NLGN1: variants seen among roughly 807,000 people sequenced by gnomAD.
NLGN1 encodes the protein neuroligin 1.
In NLGN1, 12 loss-of-function variants were observed where a neutral mutation model predicts 65.5. That is an observed-to-expected ratio of 0.18 (90% CI 0.12 to 0.30). The LOEUF is 0.30. Ranked by LOEUF, NLGN1 falls within the 10% of genes least tolerant of loss-of-function variation. NLGN1 has a pLI of 1.00. For synonymous variants in NLGN1, 350 were observed against 359.5 expected, an observed-to-expected ratio of 0.97 and a Z score of 0.30; for missense variants, 750 against 1,007.1, an observed-to-expected ratio of 0.74 and a Z score of 3.46.
chr3:173,442,911 C>G (rs490601), intron 2 of NLGN1, among the ~76,000 whole-genome samples: 120,667 of 151,982 alleles, frequency 0.79, 48,913 homozygotes, highest in East Asian at 0.97. Flanking sequence ...TTTTAAGTAA[C>G]CCAGCAGCCT....
chr3:174,280,818 A>C lies in NLGN1; in HGVS notation c.1987A>C (p.Ser663Arg). Residue 663 changes from serine (S) to arginine (R), a missense_variant, in exon 7 of 7, where the codon AGT becomes CGT. Physicochemically the swap from Ser to Arg is moderately radical, Grantham distance 110. Transcript: ENST00000457714. The surrounding 1 kb of genome is among the most constrained non-coding windows in gnomAD (Gnocchi z 4.9). ...GCAGGATGATCCCAAACAACAACCA[A>C]GTCCATTTTCAGTGGATCAAAGGGA... 1 of 1,613,390 alleles carries C rather than the reference A, an allele frequency of 6.2e-7. No individual in the cohort carries two copies. Among genetic ancestry groups the C allele is most frequent in the Non-Finnish European group, 8.5e-7 (1 of 1,179,572 alleles).
At chr3:174,094,165 GTTTA>G (rs1745027502) in intron 4 of NLGN1, among the ~76,000 whole-genome samples, 1 of 152,086 alleles carries the variant, frequency 6.6e-6, no homozygotes, top group East Asian at 1.9e-4. Flanking sequence ...TTCTTAAACT[GTTTA>G]TTTACTTTAT....
At chr3:173,979,503 A>G (rs1200416206) in intron 4 of NLGN1, among the ~76,000 whole-genome samples, 2 of 152,164 alleles carry the variant, frequency 1.3e-5, no homozygotes, top group African/African-American at 4.8e-5. Flanking sequence ...GATTGAAGAG[A>G]AAAGGTGTGA....
intron 5 of NLGN1, among the ~76,000 whole-genome samples, chr3:174,276,753 A>C (rs551191184): frequency 6.6e-6 from 1 of 152,086 alleles, no homozygotes; most frequent in East Asian, 1.9e-4. Flanking sequence ...CAAGGTGACA[A>C]AATAACACAG....
intron 4 of NLGN1, among the ~76,000 whole-genome samples, chr3:173,978,214 A>G (rs1418336448): frequency 6.6e-5 from 10 of 152,128 alleles, no homozygotes; most frequent in Non-Finnish European, 1.5e-4. Context: ...CAGTGCCACT[A>G]AGGACCAAAT....
chr3:173,483,454 A>G (rs551518960), intron 2 of NLGN1, among the ~76,000 whole-genome samples: 2 of 152,204 alleles, frequency 1.3e-5, no homozygotes, highest in Admixed American at 1.3e-4. Flanking sequence ...AATATAATTA[A>G]TGTTATTCTA....
intron 4 of NLGN1, among the ~76,000 whole-genome samples, chr3:173,947,142 A>G (rs1747331644): frequency 6.7e-6 from 1 of 150,086 alleles, no homozygotes; most frequent in Non-Finnish European, 1.5e-5. Flanking sequence ...GCTCACCGCA[A>G]CCTCTGCCTC....
intron 4 of NLGN1, among the ~76,000 whole-genome samples, chr3:174,113,910 C>T (rs189566186): frequency 3.3e-5 from 5 of 152,108 alleles, no homozygotes; most frequent in Admixed American, 2.0e-4. Context: ...ATAGTTACGA[C>T]GGAAATCTTT....
chr3:173,674,980 AT>A (rs1250112022), intron 3 of NLGN1, among the ~76,000 whole-genome samples: 3 of 151,442 alleles, frequency 2.0e-5, no homozygotes, highest in East Asian at 1.9e-4. Context: ...GACTAACTAA[AT>A]TTTTTTTTAC....
intron 3 of NLGN1, among the ~76,000 whole-genome samples, chr3:173,691,221 A>T (rs1396519857): frequency 6.6e-6 from 1 of 151,660 alleles, no homozygotes; most frequent in African/African-American, 2.4e-5. Flanking sequence ...TTTTCTCCAA[A>T]CCCCTCTTTA....
chr3:173,949,562 T>C (rs1345072774), intron 4 of NLGN1, among the ~76,000 whole-genome samples: 3 of 152,204 alleles, frequency 2.0e-5, no homozygotes, highest in African/African-American at 7.2e-5. Context: ...TTGTCTTTAC[T>C]ACTTTCAGAC....
chr3:173,936,456 T>C (rs1446788298), intron 4 of NLGN1, among the ~76,000 whole-genome samples: 1 of 152,076 alleles, frequency 6.6e-6, no homozygotes, highest in Non-Finnish European at 1.5e-5. Flanking sequence ...ATAAGGGTAA[T>C]TTACATCTAA....
In NLGN1 at chr3:174,006,999, G is replaced by C. The variant is rs139563943; in HGVS notation, c.646+199167G>C. 8.1e-3 allele frequency among the ~76,000 whole-genome samples: 1,230 copies of C among 152,220 alleles called. 16 individuals carry two copies. The highest frequency in any genetic ancestry group is 0.028 in the African/African-American group (1,160 of 41,552). On this transcript the variant is annotated intron_variant, in intron 4 of 6. Transcript: ENST00000457714. ...AGGAGAATTACTTGAACCCAAGTGG[G>C]AGAGATTGCAGTGAGCTGAGATTGC...
chr3:173,419,849 T>G (rs998024732), intron 1 of NLGN1, among the ~76,000 whole-genome samples: 1 of 151,962 alleles, frequency 6.6e-6, no homozygotes. Context: ...AGTGTGTGCC[T>G]GTAGTCCCAG....
At chr3:174,009,819 A>G (rs1387519551) in intron 4 of NLGN1, among the ~76,000 whole-genome samples, 2 of 152,158 alleles carry the variant, frequency 1.3e-5, no homozygotes, top group African/African-American at 2.4e-5. Context: ...GCCTTCCTTG[A>G]GAGGACAATG....
intron 4 of NLGN1, among the ~76,000 whole-genome samples, chr3:174,120,234 TC>T (rs1717459714): frequency 6.6e-6 from 1 of 152,068 alleles, no homozygotes; most frequent in African/African-American, 2.4e-5. Context: ...ACGCCTGTAA[TC>T]CCAGCACTTT....
At chr3:173,716,763 A>T (rs937861134) in intron 3 of NLGN1, among the ~76,000 whole-genome samples, 3 of 144,146 alleles carry the variant, frequency 2.1e-5, no homozygotes, top group Non-Finnish European at 4.7e-5. Context: ...TTAGATTATT[A>T]TTTGATATGT....
intron 2 of NLGN1, among the ~76,000 whole-genome samples, chr3:173,599,648 T>C (rs1750101097): frequency 6.6e-6 from 1 of 152,150 alleles, no homozygotes; most frequent in African/African-American, 2.4e-5. Context: ...TATTACCATA[T>C]ATAGTTAATA....
chr3:174,260,407 G>C (rs1209268589), intron 4 of NLGN1, among the ~76,000 whole-genome samples: 2 of 151,124 alleles, frequency 1.3e-5, no homozygotes, highest in Non-Finnish European at 3.0e-5. Flanking sequence ...TCTCATTGTG[G>C]TTTTGATTTG....
Sources: allele counts gnomAD v4.1 joint callset (sites outside exome capture counted in the v4.1 genomes callset), GRCh38; gene constraint gnomAD v4.1.1; non-coding constraint Gnocchi (gnomAD v3.1); transcripts MANE v1.5; gene names NCBI Gene and HGNC (gene_info 2026-07-23, HGNC 2026-07-21).